The following SHANK2 variants were observed in gnomAD, a reference collection of about 807,000 sequenced individuals.
SHANK2 encodes SH3 and multiple ankyrin repeat domains protein 2.
In SHANK2, 43 loss-of-function variants were observed where a neutral mutation model predicts 133.7. The observed-to-expected ratio is 0.32, with a 90% CI of 0.25 to 0.41. SHANK2 has a LOEUF of 0.41. SHANK2 is among the 10% of genes least tolerant of loss of function. The pLI is 1.00. For missense variants in SHANK2, 1,994 were observed against 2,235.8 expected (o/e 0.89, Z 2.18); for synonymous variants, 1,017 against 952.8 (o/e 1.07, Z -1.24).
chr11:70,769,787 G>A (rs1305124842), intron 14 of SHANK2, among the ~76,000 whole-genome samples: 1 of 152,092 alleles, frequency 6.6e-6, no homozygotes, highest in Non-Finnish European at 1.5e-5. Context: ...ATGTGTGTCT[G>A]TGTGCAGGCA....
intron 14 of SHANK2, among the ~76,000 whole-genome samples, chr11:70,704,910 A>G (rs1555024578): frequency 6.6e-6 from 1 of 150,546 alleles, no homozygotes; most frequent in Non-Finnish European, 1.5e-5. Context: ...AATTTTGGCC[A>G]GTGAATTTTG....
intron 17 of SHANK2, among the ~76,000 whole-genome samples, chr11:70,631,597 G>T (rs1394975057): frequency 6.6e-6 from 1 of 152,236 alleles, no homozygotes; most frequent in East Asian, 1.9e-4. Context: ...CCAAGGCAAG[G>T]TGACCCAGAG....
In SHANK2 at chr11:71,252,259, C is replaced by T. The variant is rs1338909967; in HGVS notation, c.-113+166G>A. Reference sequence around the variant, plus strand: ...TGGACACGCGGCTCACTCCCCCCAGCGCCCACCTCTCCAGCCTCTCTGGGT... The same window carrying T: ...TGGACACGCGGCTCACTCCCCCCAGTGCCCACCTCTCCAGCCTCTCTGGGT... On this transcript the variant is annotated intron_variant, in intron 1 of 25. Coordinates refer to ENST00000601538, the MANE Select transcript of SHANK2 (RefSeq NM_012309.5). The surrounding 1 kb of genome is among the most constrained non-coding windows in gnomAD (Gnocchi z 6.3). Among the ~76,000 whole-genome samples the T allele has an allele frequency of 1.3e-5, 2 of 152,150 alleles. No individual in the cohort carries two copies. The highest frequency in any genetic ancestry group is 4.8e-5 in the African/African-American group (2 of 41,458).
chr11:71,231,799 G>A (rs1954745418), intron 1 of SHANK2, among the ~76,000 whole-genome samples: 1 of 152,106 alleles, frequency 6.6e-6, no homozygotes, highest in East Asian at 1.9e-4. Flanking sequence ...TGAGATGGGA[G>A]GATGGCTTGA....
chr11:70,685,498 G>T (rs1415285632), intron 15 of SHANK2, among the ~76,000 whole-genome samples: 1 of 152,094 alleles, frequency 6.6e-6, no homozygotes, highest in Non-Finnish European at 1.5e-5. Flanking sequence ...CCTGCTTGTT[G>T]GTTGGCAGGG....
chr11:70,632,868 C>T (rs1331411806), intron 17 of SHANK2, among the ~76,000 whole-genome samples: 4 of 152,174 alleles, frequency 2.6e-5, no homozygotes, highest in African/African-American at 9.7e-5. Context: ...AGGACAAGGA[C>T]ATCATTCAGC....
At chr11:71,149,857 G>GA (rs1952732843) in intron 2 of SHANK2, among the ~76,000 whole-genome samples, 6 of 109,356 alleles carry the variant, frequency 5.5e-5, no homozygotes, top group Admixed American at 1.0e-4. Flanking sequence ...GAGGGAGGGA[G>GA]GGAAGGAAAG....
chr11:71,251,772 C>A (rs1470213072), intron 1 of SHANK2, among the ~76,000 whole-genome samples: 7 of 150,958 alleles, frequency 4.6e-5, no homozygotes. Flanking sequence ...CGACCCGCCA[C>A]CCCCGGGCCC....
intron 13 of SHANK2, among the ~76,000 whole-genome samples, chr11:70,802,487 G>A (rs1590697863): frequency 6.6e-6 from 1 of 152,204 alleles, no homozygotes; most frequent in East Asian, 1.9e-4. Context: ...TCACTGCGGA[G>A]GAGGGAGGAA....
intron 15 of SHANK2, among the ~76,000 whole-genome samples, chr11:70,667,680 G>A (rs1944703981): frequency 6.6e-6 from 1 of 152,192 alleles, no homozygotes; most frequent in Admixed American, 6.5e-5. Context: ...AGCTCCCTTG[G>A]CAGCAGCACC....
intron 12 of SHANK2, among the ~76,000 whole-genome samples, chr11:70,809,986 C>T (rs1036413193): frequency 6.4e-4 from 97 of 152,192 alleles, no homozygotes; most frequent in Admixed American, 7.2e-4. Context: ...TGGAGCCCAC[C>T]GGGCACGGTG....
intron 17 of SHANK2, among the ~76,000 whole-genome samples, chr11:70,607,515 C>T (rs111704560): frequency 1.3e-5 from 2 of 152,234 alleles, no homozygotes; most frequent in African/African-American, 4.8e-5. Context: ...AGCACCTGCA[C>T]GCACACACTG....
chr11:71,080,454 C>T lies in SHANK2; in HGVS notation c.913-5179G>A, dbSNP rs1776494296. ...ACATCTACAGGACCTAAAACTATGG[C>T]AAGAGGAACGGCGCCACCTGGGGTT... On this transcript the variant is annotated intron_variant, in intron 8 of 25. Transcript: ENST00000601538. Among the ~76,000 whole-genome samples, 4 of 152,204 alleles carry T rather than the reference C, an allele frequency of 2.6e-5. No homozygotes were observed. The South Asian group carries it at 8.3e-4, about 31-fold the overall frequency.
intron 14 of SHANK2, among the ~76,000 whole-genome samples, chr11:70,789,007 C>T (rs573904433): frequency 1.3e-5 from 2 of 152,184 alleles, no homozygotes; most frequent in Admixed American, 1.3e-4. Context: ...AGACACTTCT[C>T]AGAGCAAATG....
intron 17 of SHANK2, among the ~76,000 whole-genome samples, chr11:70,560,294 A>C (rs185976188): frequency 1.3e-5 from 2 of 152,328 alleles, no homozygotes; most frequent in South Asian, 2.1e-4. Context: ...CCATATCTTC[A>C]AAAAATACAA....
intron 15 of SHANK2, among the ~76,000 whole-genome samples, chr11:70,693,371 G>A (rs782323378): frequency 6.6e-6 from 1 of 152,208 alleles, no homozygotes; most frequent in Non-Finnish European, 1.5e-5. Flanking sequence ...TATTCCTGCA[G>A]TGTCGAATCT....
chr11:70,891,365 G>A (rs990991867), intron 11 of SHANK2, among the ~76,000 whole-genome samples: 1 of 152,130 alleles, frequency 6.6e-6, no homozygotes. Context: ...AGCCGGGGGT[G>A]GTGGCGGGCG....
At chr11:70,761,674 C>G (rs1555040265) in intron 14 of SHANK2, among the ~76,000 whole-genome samples, 1 of 152,256 alleles carries the variant, frequency 6.6e-6, no homozygotes, top group Non-Finnish European at 1.5e-5. Context: ...TGCCAGCAGG[C>G]AGGCTCTCAT....
At chr11:70,703,335 G>A (rs1441698490) in intron 14 of SHANK2, among the ~76,000 whole-genome samples, 1 of 152,238 alleles carries the variant, frequency 6.6e-6, no homozygotes, top group Admixed American at 6.5e-5. Context: ...CCCATATAGG[G>A]CTCCTGGGAG....
Sources: gnomAD v4.1 joint callset for allele counts (sites outside exome capture counted in the v4.1 genomes callset) on GRCh38, gnomAD v4.1.1 for gene constraint, Gnocchi (gnomAD v3.1) non-coding constraint, MANE v1.5 for transcripts, NCBI Gene and HGNC (gene_info 2026-07-23, HGNC 2026-07-21) for gene names.